GRM1: variants seen among roughly 807,000 people sequenced by gnomAD.
GRM1 encodes the protein metabotropic glutamate receptor 1.
In GRM1, 33 loss-of-function variants were observed where a neutral mutation model predicts 90.9. The ratio of observed to expected loss-of-function variants is 0.36; its 90% CI spans 0.28 to 0.49. GRM1 has a LOEUF of 0.49. Ranked by LOEUF, GRM1 falls within the 20% of genes least tolerant of loss-of-function variation. The probability of loss-of-function intolerance (pLI) is 0.99; values close to 1 mark genes in which losing one functional copy is unlikely to be tolerated. For missense variants in GRM1, 1,190 were observed against 1,534.3 expected (o/e 0.78, Z 3.75); for synonymous variants, 700 against 613.2 (o/e 1.14, Z -2.09).
chr6:146,213,324 C>T (rs1213193463), intron 2 of GRM1, among the ~76,000 whole-genome samples: 2 of 151,768 alleles, frequency 1.3e-5, no homozygotes, highest in African/African-American at 2.4e-5. Flanking sequence ...TAAGTAAAGG[C>T]CAGATATTAG....
intron 6 of GRM1, among the ~76,000 whole-genome samples, chr6:146,387,242 G>A (rs1384133008): frequency 6.6e-6 from 1 of 152,104 alleles, no homozygotes; most frequent in Non-Finnish European, 1.5e-5. Flanking sequence ...ATGTGTGGTA[G>A]GCTATGCTAT....
At chr6:146,147,674 T>A (rs1777163143) in intron 1 of GRM1, among the ~76,000 whole-genome samples, 1 of 152,202 alleles carries the variant, frequency 6.6e-6, no homozygotes, top group African/African-American at 2.4e-5. Context: ...AGAGAAGTCC[T>A]CTATGAGCCA....
intron 2 of GRM1, among the ~76,000 whole-genome samples, chr6:146,195,753 A>C (rs1779093076): frequency 6.6e-6 from 1 of 152,236 alleles, no homozygotes; most frequent in Non-Finnish European, 1.5e-5. Context: ...ACAGCAAGAT[A>C]AAGAAAGGCG....
intron 2 of GRM1, among the ~76,000 whole-genome samples, chr6:146,227,776 T>G (rs1432255037): frequency 6.6e-6 from 1 of 152,164 alleles, no homozygotes; most frequent in Non-Finnish European, 1.5e-5. Flanking sequence ...AGGGAAAGCA[T>G]ATAATGCAGA....
Position 146,398,903 on chromosome 6 carries a change from G to A in GRM1, c.1864G>A (p.Val622Met), listed in dbSNP as rs775312633. Residue 622 changes from valine to methionine, a missense_variant, in exon 7 of 8, where the codon GTG becomes ATG. By Grantham distance (21) the Val-to-Met change is conservative. Around this residue, in one of 10 missense-constraint regions of GRM1, gnomAD observed 414 missense variants for 598.4 expected, o/e 0.69. Transcript: ENST00000282753. ...CTTTGTACTGTACCGGGACACACCA[G>A]TGGTCAAATCCTCCAGTCGGGAGCT... ...LIFVLYRDTP[V>M]VKSSSRELCY... The A allele has an allele frequency of 6.2e-7, 1 of 1,613,946 alleles. No homozygotes were observed. Among genetic ancestry groups the A allele is most frequent in the Non-Finnish European group, 8.5e-7 (1 of 1,179,982 alleles).
intron 2 of GRM1, among the ~76,000 whole-genome samples, chr6:146,240,923 G>A (rs927115254): frequency 6.6e-6 from 1 of 152,014 alleles, no homozygotes; most frequent in African/African-American, 2.4e-5. Context: ...CTTGACTACT[G>A]AATGTGGGTC....
At chr6:146,402,826 G>T (rs1445141089) in intron 7 of GRM1, among the ~76,000 whole-genome samples, 1 of 152,236 alleles carries the variant, frequency 6.6e-6, no homozygotes, top group East Asian at 1.9e-4. Context: ...TTTATTCACA[G>T]CTGAATATCT....
intron 2 of GRM1, among the ~76,000 whole-genome samples, chr6:146,253,667 C>A (rs1431037196): frequency 1.3e-5 from 2 of 152,130 alleles, no homozygotes; most frequent in Non-Finnish European, 2.9e-5. Flanking sequence ...GGTGCATAAT[C>A]TGAAGACCTT....
intron 2 of GRM1, among the ~76,000 whole-genome samples, chr6:146,207,042 C>A (rs2114633637): frequency 6.6e-6 from 1 of 152,256 alleles, no homozygotes; most frequent in African/African-American, 2.4e-5. Context: ...TTTTCTTTAT[C>A]TAATCTGTCA....
chr6:146,188,351 A>T (rs999789277), intron 2 of GRM1, among the ~76,000 whole-genome samples: 1 of 151,996 alleles, frequency 6.6e-6, no homozygotes, highest in African/African-American at 2.4e-5. Flanking sequence ...TACAGTCTAG[A>T]CCTCTTGTAG....
intron 1 of GRM1, among the ~76,000 whole-genome samples, chr6:146,106,658 T>A (rs566741676): frequency 6.6e-6 from 1 of 152,340 alleles, no homozygotes; most frequent in African/African-American, 2.4e-5. Flanking sequence ...CCTGAAGGTC[T>A]TTATAGCCAT....
At chr6:146,138,265 C>A (rs1398234849) in intron 1 of GRM1, among the ~76,000 whole-genome samples, 2 of 151,696 alleles carry the variant, frequency 1.3e-5, no homozygotes, top group Non-Finnish European at 2.9e-5. Context: ...TCAGTTTTTC[C>A]CCATCAGTAT....
intron 1 of GRM1, among the ~76,000 whole-genome samples, chr6:146,136,121 T>TG (rs1250498566): frequency 1.3e-5 from 2 of 152,244 alleles, no homozygotes; most frequent in Non-Finnish European, 1.5e-5. Context: ...ATCATTCTTG[T>TG]TATGGCTGAA....
intron 2 of GRM1, among the ~76,000 whole-genome samples, chr6:146,259,106 C>A (rs1781588783): frequency 6.6e-6 from 1 of 152,158 alleles, no homozygotes; most frequent in Non-Finnish European, 1.5e-5. Context: ...ATCACCTGGG[C>A]ATATTCATGG....
chr6:146,078,099 A>T (rs1776247377), intron 1 of GRM1, among the ~76,000 whole-genome samples: 1 of 152,238 alleles, frequency 6.6e-6, no homozygotes, highest in South Asian at 2.1e-4. Flanking sequence ...CTATTGGAAA[A>T]AAAAGATTTC....
chr6:146,295,315 C>T (rs1438477028), intron 2 of GRM1, among the ~76,000 whole-genome samples: 1 of 152,072 alleles, frequency 6.6e-6, no homozygotes, highest in African/African-American at 2.4e-5. Flanking sequence ...CCTCTGCCTC[C>T]TGGGTTCAAG....
At chr6:146,182,575 C>T (rs191498586) in intron 2 of GRM1, among the ~76,000 whole-genome samples, 1 of 152,222 alleles carries the variant, frequency 6.6e-6, no homozygotes, top group East Asian at 1.9e-4. Flanking sequence ...AAGTACTTTG[C>T]AAACTGTACA....
intron 1 of GRM1, among the ~76,000 whole-genome samples, chr6:146,122,289 T>A (rs770040678): frequency 6.6e-6 from 1 of 152,184 alleles, no homozygotes; most frequent in South Asian, 2.1e-4. Flanking sequence ...TTTTGTAGTA[T>A]TTTTTTCTTC....
intron 2 of GRM1, among the ~76,000 whole-genome samples, chr6:146,275,371 A>G (rs1158914937): frequency 6.6e-6 from 1 of 152,118 alleles, no homozygotes; most frequent in African/African-American, 2.4e-5. Context: ...AGGCGTGTAC[A>G]TGGGACAGTT....
Sources: allele counts gnomAD v4.1 joint callset (sites outside exome capture counted in the v4.1 genomes callset), GRCh38; gene constraint gnomAD v4.1.1; regional missense constraint gnomAD v4.1.1; transcripts MANE v1.5; gene names NCBI Gene and HGNC (gene_info 2026-07-23, HGNC 2026-07-21).